Variants in GPC6 observed in about 807,000 individuals in gnomAD.
The protein encoded by GPC6 is glypican 6.
A neutral mutation model predicts 55.2 loss-of-function variants in GPC6; 14 were observed. The ratio of observed to expected loss-of-function variants is 0.25; its 90% confidence interval spans 0.17 to 0.40. The LOEUF (loss-of-function observed/expected upper bound fraction) is 0.40. Ranked by LOEUF, GPC6 falls within the 10% of genes least tolerant of loss-of-function variation. The pLI is 1.00. For synonymous variants in GPC6, 278 were observed against 259.6 expected (o/e 1.07, Z -0.68); for missense variants, 641 against 708.5 (o/e 0.90, Z 1.08).
chr13:93,969,569 G>A (rs954288661), intron 3 of GPC6, among the ~76,000 whole-genome samples: 1 of 151,960 alleles, frequency 6.6e-6, no homozygotes, highest in African/African-American at 2.4e-5. Flanking sequence ...AAGGCCTCCT[G>A]GCTAATACCA....
At chr13:93,282,521 T>TA (rs1877987066) in intron 1 of GPC6, among the ~76,000 whole-genome samples, 1 of 148,640 alleles carries the variant, frequency 6.7e-6, no homozygotes. Flanking sequence ...TGAATTACAG[T>TA]GAAAAAAAAA....
the GPC6 span, among the ~76,000 whole-genome samples, chr13:93,217,629 G>A: frequency 9.9e-5 from 15 of 152,138 alleles, no homozygotes; most frequent in Admixed American, 9.8e-4. Flanking sequence ...ATATAAGTCA[G>A]GCAGCAAGTT....
At chr13:94,209,246 C>T (rs1399512515) in intron 4 of GPC6, among the ~76,000 whole-genome samples, 1 of 152,110 alleles carries the variant, frequency 6.6e-6, no homozygotes, top group African/African-American at 2.4e-5. Context: ...GTTGTTTGTT[C>T]CCTTCCAGGG....
At chr13:94,152,148 T>G (rs572045974) in intron 4 of GPC6, among the ~76,000 whole-genome samples, 2 of 152,248 alleles carry the variant, frequency 1.3e-5, no homozygotes, top group East Asian at 3.9e-4. Flanking sequence ...GTGGCAGAGG[T>G]AATGAGTTTT....
At position 94,225,666 on chromosome 13, in the gene GPC6, T is replaced by TAC. The variant is rs563655815; in HGVS notation, c.878-60679_878-60678dup. 5.5e-4 allele frequency among the ~76,000 whole-genome samples: 53 copies of TAC among 96,502 alleles called. No homozygotes were observed. The East Asian group carries it at 7.7e-3, about 14-fold the overall frequency. 63.3% of individuals were successfully genotyped at this position (96,502 alleles called of 152,430 possible). ...TATATATATGTGTGTGTGTAAAGTA[T>TAC]ACACATATATATATATATATATAAA... On this transcript the variant is annotated intron_variant, in intron 4 of 8. Coordinates refer to ENST00000377047, the MANE Select transcript of GPC6 (RefSeq NM_005708.5).
chr13:94,050,416 C>A (rs1276159478), intron 4 of GPC6, among the ~76,000 whole-genome samples: 2 of 152,144 alleles, frequency 1.3e-5, no homozygotes, highest in African/African-American at 4.8e-5. Context: ...TCCCATGATA[C>A]TAATAGTAGC....
intron 2 of GPC6, among the ~76,000 whole-genome samples, chr13:93,728,406 T>C (rs925365647): frequency 2.0e-5 from 3 of 149,882 alleles, no homozygotes; most frequent in South Asian, 2.1e-4. Context: ...ATTATATATA[T>C]ATATTTTTAT....
At chr13:93,220,165 C>A in the GPC6 span, among the ~76,000 whole-genome samples, 11 of 152,088 alleles carry the variant, frequency 7.2e-5, no homozygotes, top group African/African-American at 2.7e-4. Flanking sequence ...TCTGTGAAAC[C>A]ATTTTAATAA....
chr13:93,815,409 A>G (rs1886816414), intron 2 of GPC6, among the ~76,000 whole-genome samples: 2 of 152,190 alleles, frequency 1.3e-5, no homozygotes, highest in Non-Finnish European at 2.9e-5. Context: ...CAAAGTAAGC[A>G]TATTCTTATC....
At position 93,227,590 on chromosome 13, in the gene GPC6, C is replaced by T; in HGVS notation, c.134C>T (p.Ala45Val). 6.2e-7 allele frequency: 1 copy of T among 1,608,684 alleles called. No homozygotes were observed. ...TACGGTGCCAAGGGATTCAGCCTGG[C>T]GGACATCCCCTACCAGGAGATCGCA... Reference protein sequence around the residue: ...QAYGAKGFSLADIPYQEIAGE... With the variant: ...QAYGAKGFSLVDIPYQEIAGE... The change falls in exon 1 of 9, where the codon GCG becomes GTG. Residue 45 changes from alanine to valine, a missense_variant. By Grantham distance (64) the Ala-to-Val change is moderately conservative. Coordinates refer to ENST00000377047, the MANE Select transcript of GPC6 (RefSeq NM_005708.5). The surrounding 1 kb of genome is among the most constrained non-coding windows in gnomAD (Gnocchi z 4.3).
chr13:94,286,221 A>G (rs756223522), intron 4 of GPC6, 128 bp from the exon 5 acceptor site: 18 of 882,042 alleles, frequency 2.0e-5, no homozygotes, highest in South Asian at 1.1e-4. Context: ...TTTGGACTAT[A>G]TGAAAGCAAA....
intron 3 of GPC6, among the ~76,000 whole-genome samples, chr13:93,881,892 A>G (rs1875001654): frequency 6.6e-6 from 1 of 152,012 alleles, no homozygotes; most frequent in Non-Finnish European, 1.5e-5. Flanking sequence ...CAACCCTAGG[A>G]CACATACAAT....
At chr13:93,816,958 A>G (rs756667753) in intron 2 of GPC6, among the ~76,000 whole-genome samples, 4 of 152,170 alleles carry the variant, frequency 2.6e-5, no homozygotes, top group Non-Finnish European at 4.4e-5. Context: ...CTTCCCATTA[A>G]TAGACCCTTT....
At chr13:93,491,637 G>T (rs1481657189) in intron 1 of GPC6, among the ~76,000 whole-genome samples, 1 of 144,068 alleles carries the variant, frequency 6.9e-6, no homozygotes. Flanking sequence ...TTTCTTCTAG[G>T]GTTTTTATGG....
chr13:94,308,677 T>A (rs1876081730), intron 6 of GPC6, among the ~76,000 whole-genome samples: 1 of 152,220 alleles, frequency 6.6e-6, no homozygotes, highest in Non-Finnish European at 1.5e-5. Flanking sequence ...TACTGATTTT[T>A]TTATTAAATT....
At chr13:93,865,128 G>T (rs1402955306) in intron 3 of GPC6, among the ~76,000 whole-genome samples, 3 of 151,522 alleles carry the variant, frequency 2.0e-5, no homozygotes, top group East Asian at 2.0e-4. Flanking sequence ...TAGAAGATAT[G>T]GTTTGTAAAA....
At chr13:93,528,867 G>A (rs1350060176) in intron 1 of GPC6, among the ~76,000 whole-genome samples, 3 of 152,072 alleles carry the variant, frequency 2.0e-5, no homozygotes, top group African/African-American at 4.8e-5. Context: ...TACTTTCAAG[G>A]AGGACATCTT....
intron 1 of GPC6, among the ~76,000 whole-genome samples, chr13:93,453,834 A>G (rs1878323247): frequency 6.6e-6 from 1 of 152,026 alleles, no homozygotes; most frequent in Admixed American, 6.6e-5. Flanking sequence ...GAGCAGTAGC[A>G]AGATTTATTG....
chr13:93,624,949 C>T (rs1879140097), intron 2 of GPC6, among the ~76,000 whole-genome samples: 1 of 152,114 alleles, frequency 6.6e-6, no homozygotes, highest in Non-Finnish European at 1.5e-5. Flanking sequence ...GAAGGAAAAC[C>T]AAGCTCTGAG....
Sources: allele counts gnomAD v4.1 joint callset (sites outside exome capture counted in the v4.1 genomes callset), GRCh38; gene constraint gnomAD v4.1.1; non-coding constraint Gnocchi (gnomAD v3.1); transcripts MANE v1.5; gene names NCBI Gene and HGNC (gene_info 2026-07-23, HGNC 2026-07-21).